MECR: variants seen among roughly 807,000 people sequenced by gnomAD.
MECR encodes mitochondrial trans-2-enoyl-CoA reductase, also known as enoyl-[acyl-carrier-protein] reductase, mitochondrial.
In MECR, 37 loss-of-function variants were observed where a neutral mutation model predicts 49.1. That is an observed-to-expected ratio of 0.75 (90% CI 0.58 to 0.99). The LOEUF (loss-of-function observed/expected upper bound fraction) is 0.99, where lower values mean the gene tolerates loss of function less well. Among genes scored for constraint, MECR ranks in the 50% least tolerant of loss-of-function variants. The pLI, the probability that MECR is intolerant of heterozygous loss-of-function variation, is 0.00. For synonymous variants in MECR, 198 were observed against 191.1 expected, an observed-to-expected ratio of 1.04 and a Z score of -0.30; for missense variants, 470 against 479.6, an observed-to-expected ratio of 0.98 and a Z score of 0.19.
the MECR span, among the ~76,000 whole-genome samples, chr1:29,176,153 G>A: frequency 3.9e-5 from 6 of 152,168 alleles, no homozygotes; most frequent in East Asian, 1.2e-3. Flanking sequence ...TTGGGAGGCT[G>A]AGGCAGGAGA....
chr1:29,184,435 G>A, the MECR span, among the ~76,000 whole-genome samples: 3 of 152,112 alleles, frequency 2.0e-5, no homozygotes, highest in South Asian at 2.1e-4. Context: ...GAGCCACCGC[G>A]CCCGGCAAGA....
At chr1:29,189,163 C>A (rs949716277), downstream of MECR, among the ~76,000 whole-genome samples, 1 of 144,546 alleles carries the variant, frequency 6.9e-6, no homozygotes, top group African/African-American at 2.9e-5. Flanking sequence ...TGGTCTCGAA[C>A]TGACCTCAGG....
chr1:29,194,090 C>T lies in MECR; in HGVS notation c.1054G>A (p.Asp352Asn), dbSNP rs763007974. The stretch of plus-strand genomic sequence containing the variant: ...GAGGCTTCCAAGGCAGACTGGTAGT[C>T]CTGCAGCGGGACCTGGGAGCAGGCA... ...APACSQVPLQ[D>N]YQSALEASMK... The change falls in exon 10 of 10, where the codon GAC (aspartate) becomes AAC (asparagine). Residue 352 changes from aspartate (D) to asparagine (N), a missense_variant. Transcript: ENST00000263702. 3.7e-6 allele frequency: 6 copies of T among 1,614,128 alleles called. No homozygotes were observed. The Admixed American group carries it at 1.0e-4, about 27-fold the overall frequency.
At chr1:29,170,964 G>C in the MECR span, 1 of 152,152 alleles carries the variant, frequency 6.6e-6, no homozygotes, top group African/African-American at 2.4e-5. Flanking sequence ...TAGCCTGGGA[G>C]ACTTTCATCT....
intron 7 of MECR, among the ~76,000 whole-genome samples, chr1:29,197,402 CAGG>C (rs1313650950): frequency 6.6e-6 from 1 of 152,204 alleles, no homozygotes; most frequent in Admixed American, 6.5e-5. Context: ...CTTCTCACTG[CAGG>C]AGGTGCCTTC....
In MECR at chr1:29,196,555, C is replaced by T. The variant is rs191258443; in HGVS notation, c.831-297G>A. On this transcript the variant is annotated intron_variant, in intron 7 of 9. Transcript: ENST00000263702. Reference sequence around the variant, plus strand: ...AGTACAGAAAATTAGCTGGGCAAGGCGGCATGCCTGTAGTCCCAGCTTCTC... The same window carrying T: ...AGTACAGAAAATTAGCTGGGCAAGGTGGCATGCCTGTAGTCCCAGCTTCTC... Among the ~76,000 whole-genome samples, 43 of 151,948 alleles carry T rather than the reference C, an allele frequency of 2.8e-4. No homozygotes were observed. In the East Asian group the frequency reaches 4.7e-3, roughly 16 times the overall value.
intron 1 of MECR, among the ~76,000 whole-genome samples, chr1:29,227,193 C>T (rs1448088379): frequency 6.6e-6 from 1 of 151,952 alleles, no homozygotes; most frequent in Non-Finnish European, 1.5e-5. Flanking sequence ...GAGCACCTGA[C>T]CTCTGGTGAT....
the MECR span, among the ~76,000 whole-genome samples, chr1:29,176,259 A>C: frequency 6.6e-6 from 1 of 151,994 alleles, no homozygotes; most frequent in Admixed American, 6.6e-5. Context: ...CTCAAAAAAA[A>C]CAAAAAACAA....
rs1673325105 is a variant in MECR, at chr1:29,193,873, A to C, written c.*149T>G. Reference sequence around the variant, plus strand: ...ATACCTTAAGGCTGGCCCTGGGGAAAACCGTGGCTGGCTTCACCATCCTCC... The same window carrying C: ...ATACCTTAAGGCTGGCCCTGGGGAACACCGTGGCTGGCTTCACCATCCTCC... On this transcript the variant is annotated 3_prime_UTR_variant, in exon 10 of 10. Transcript: ENST00000263702. 2.1e-6 allele frequency: 2 copies of C among 931,148 alleles called. No individual in the cohort carries two copies. The highest frequency in any genetic ancestry group is 1.6e-5 in the South Asian group (1 of 61,280). 57.7% of individuals were successfully genotyped at this position (931,148 alleles called of 1,614,324 possible).
chr1:29,178,642 G>C, the MECR span, among the ~76,000 whole-genome samples: 1 of 152,034 alleles, frequency 6.6e-6, no homozygotes, highest in Non-Finnish European at 1.5e-5. Context: ...AGGCCACCGC[G>C]CCCGGCCTCT....
intron 9 of MECR, among the ~76,000 whole-genome samples, chr1:29,195,293 C>T (rs1012967196): frequency 5.3e-5 from 8 of 152,256 alleles, no homozygotes; most frequent in Non-Finnish European, 8.8e-5. Context: ...GTGTGATTTT[C>T]GATATTTTCT....
chr1:29,221,659 G>A (rs190201959), intron 1 of MECR, among the ~76,000 whole-genome samples: 10 of 152,314 alleles, frequency 6.6e-5, no homozygotes, highest in Admixed American at 1.3e-4. Context: ...ACTGAATGCT[G>A]AGCTAGGGAG....
chr1:29,182,831 A>G, the MECR span, among the ~76,000 whole-genome samples: 1 of 152,240 alleles, frequency 6.6e-6, no homozygotes, highest in Non-Finnish European at 1.5e-5. Context: ...GGCGTGAGCC[A>G]CTGCGCCTGG....
intron 9 of MECR, among the ~76,000 whole-genome samples, chr1:29,195,131 C>A (rs1206514994): frequency 6.6e-6 from 1 of 152,006 alleles, no homozygotes; most frequent in African/African-American, 2.4e-5. Context: ...AAATAACCCC[C>A]CAAAACAGCA....
intron 5 of MECR, 87 bp downstream of exon 5, chr1:29,203,044 C>T (rs756194888): frequency 1.5e-4 from 167 of 1,097,108 alleles, no homozygotes; most frequent in Middle Eastern, 4.5e-4. Flanking sequence ...GCAAGGGCGC[C>T]CTCTGGTGGA....
Position 29,223,069 on chromosome 1 carries a change from T to C in MECR, c.177-6384A>G, listed in dbSNP as rs561093259. The C allele has an allele frequency of 1.6e-5, 16 of 983,178 alleles. No homozygotes were observed. The African/African-American group carries it at 2.3e-4, about 14-fold the overall frequency. The allele number at this position is 983,178 out of a possible 1,614,324, so 60.9% of individuals were successfully genotyped here. A position where few individuals can be genotyped will look rare whatever the true frequency, so the allele number is the denominator to read the frequency against. On this transcript the variant is annotated intron_variant, in intron 1 of 9. Coordinates refer to ENST00000263702, the MANE Select transcript of MECR (RefSeq NM_016011.5). ...AAACAAAACTCACCAAAGGAAACAG[T>C]GGCTATGTTTTGGAGTACAAATGAG...
chr1:29,174,061 C>T, the MECR span, among the ~76,000 whole-genome samples: 7 of 151,438 alleles, frequency 4.6e-5, no homozygotes, highest in South Asian at 2.1e-4. Flanking sequence ...TGGTGGCAGG[C>T]GCCTGTAATC....
chr1:29,178,295 C>T, the MECR span, among the ~76,000 whole-genome samples: 1 of 151,854 alleles, frequency 6.6e-6, no homozygotes, highest in South Asian at 2.1e-4. Flanking sequence ...ATCTGAACTC[C>T]AGCAATTCTT....
the MECR span, among the ~76,000 whole-genome samples, chr1:29,185,004 T>C: frequency 6.8e-6 from 1 of 146,828 alleles, no homozygotes; most frequent in Admixed American, 6.8e-5. Context: ...CAGGCGCCTA[T>C]AATCCCAGCT....
Sources: allele counts gnomAD v4.1 joint callset (sites outside exome capture counted in the v4.1 genomes callset), GRCh38; gene constraint gnomAD v4.1.1; transcripts MANE v1.5; gene names NCBI Gene and HGNC (gene_info 2026-07-23, HGNC 2026-07-21).